Variants in PCDH9 observed in about 807,000 individuals in gnomAD.
PCDH9 encodes protocadherin 9, also known as protocadherin-9.
Under a neutral mutation model 70.6 loss-of-function variants are expected in PCDH9, and 24 were observed. The ratio of observed to expected loss-of-function variants is 0.34; its 90% CI spans 0.25 to 0.48. The LOEUF is 0.48. Among genes scored for constraint, PCDH9 ranks in the 20% least tolerant of loss-of-function variants. PCDH9 has a pLI of 0.99. For synonymous variants in PCDH9, 562 were observed against 558.5 expected (o/e 1.01, Z -0.09); for missense variants, 1,281 against 1,503.6 (o/e 0.85, Z 2.45).
At chr13:66,591,432 A>G (rs2077038006) in intron 4 of PCDH9, among the ~76,000 whole-genome samples, 1 of 150,356 alleles carries the variant, frequency 6.7e-6, no homozygotes, top group Admixed American at 6.8e-5. Context: ...GCCAATATAA[A>G]CCAAAATTTA....
chr13:66,893,969 G>A (rs1294060251), intron 3 of PCDH9, among the ~76,000 whole-genome samples: 1 of 151,832 alleles, frequency 6.6e-6, no homozygotes, highest in Non-Finnish European at 1.5e-5. Context: ...TAGTCCTTCC[G>A]TTCAATTCCC....
At chr13:66,824,886 T>C (rs1420360310) in intron 3 of PCDH9, among the ~76,000 whole-genome samples, 1 of 151,594 alleles carries the variant, frequency 6.6e-6, no homozygotes, top group Non-Finnish European at 1.5e-5. Flanking sequence ...AAAGACTCTA[T>C]CCTCATAACA....
intron 3 of PCDH9, among the ~76,000 whole-genome samples, chr13:66,828,123 A>G (rs1165118266): frequency 6.6e-6 from 1 of 152,204 alleles, no homozygotes; most frequent in Non-Finnish European, 1.5e-5. Flanking sequence ...AAAATAAAAG[A>G]AAAACACAGA....
At chr13:66,791,899 G>A (rs1436457292) in intron 3 of PCDH9, among the ~76,000 whole-genome samples, 2 of 152,124 alleles carry the variant, frequency 1.3e-5, no homozygotes, top group African/African-American at 4.8e-5. Context: ...TAAATACATT[G>A]CATTATGCAC....
chr13:67,174,310 G>C (rs868109247), intron 2 of PCDH9, among the ~76,000 whole-genome samples: 145 of 149,656 alleles, frequency 9.7e-4, no homozygotes, highest in African/African-American at 1.9e-3. Context: ...TAGATAGATA[G>C]ATAGATACAT....
intron 3 of PCDH9, among the ~76,000 whole-genome samples, chr13:66,657,079 C>T (rs936860174): frequency 3.3e-5 from 5 of 152,114 alleles, no homozygotes; most frequent in Non-Finnish European, 5.9e-5. Flanking sequence ...CCTAGACCAC[C>T]AGGCAATCTA....
chr13:67,084,814 A>C (rs4300510), intron 2 of PCDH9, among the ~76,000 whole-genome samples: 1 of 150,950 alleles, frequency 6.6e-6, no homozygotes, highest in Non-Finnish European at 1.5e-5. Flanking sequence ...TAAAAATATA[A>C]AAATTAGCTG....
chr13:66,825,231 G>A (rs1248270904), intron 3 of PCDH9: 1 of 149,882 alleles, frequency 6.7e-6, no homozygotes, highest in Non-Finnish European at 1.5e-5. Flanking sequence ...TTCTTCTCTC[G>A]AACAGGTATG....
intron 2 of PCDH9, among the ~76,000 whole-genome samples, chr13:67,095,564 A>C (rs1191202425): frequency 6.6e-6 from 1 of 152,144 alleles, no homozygotes; most frequent in Admixed American, 6.5e-5. Flanking sequence ...ATAATTGAGG[A>C]ATTACAACTT....
intron 3 of PCDH9, among the ~76,000 whole-genome samples, chr13:66,825,979 A>C (rs1219436994): frequency 2.6e-5 from 4 of 152,200 alleles, no homozygotes; most frequent in Non-Finnish European, 4.4e-5. Flanking sequence ...AAGAAATAAT[A>C]AATAAAAAGT....
At chr13:66,490,928 A>G (rs760123769) in intron 4 of PCDH9, among the ~76,000 whole-genome samples, 17 of 152,190 alleles carry the variant, frequency 1.1e-4, no homozygotes, top group Non-Finnish European at 2.1e-4. Context: ...GCTTCAGGCT[A>G]TGCTGTTGAG....
intron 3 of PCDH9, among the ~76,000 whole-genome samples, chr13:66,862,019 T>C (rs78035519): frequency 0.021 from 3,184 of 152,334 alleles, 115 homozygotes; most frequent in African/African-American, 0.073. Flanking sequence ...AACCTAATTA[T>C]GGACTTTAAC....
chr13:67,206,690 GC>G (rs2089357194), intron 2 of PCDH9: 1 of 152,190 alleles, frequency 6.6e-6, no homozygotes, highest in Non-Finnish European at 1.5e-5. Flanking sequence ...TTGGAGGAGG[GC>G]CTATACTGAT....
rs143946340 is a variant in PCDH9 at position 67,025,886 on chromosome 13, G to T, written c.3037-122281C>A. Among the ~76,000 whole-genome samples the T allele has an allele frequency of 1.0e-3, 156 of 152,192 alleles. 1 individual carries two copies. The highest frequency in any genetic ancestry group is 3.7e-3 in the African/African-American group (152 of 41,536). On this transcript the variant is annotated intron_variant, in intron 2 of 4. Coordinates refer to ENST00000377865, the MANE Select transcript of PCDH9 (RefSeq NM_203487.3). ...TAAAGCATATTTATATATCATTTAT[G>T]CATATAAATGTATATGAATAATTAT...
At chr13:66,388,953 T>A (rs2138262824) in intron 4 of PCDH9, among the ~76,000 whole-genome samples, 1 of 152,330 alleles carries the variant, frequency 6.6e-6, no homozygotes, top group South Asian at 2.1e-4. Flanking sequence ...CCATATTTTG[T>A]CTTAAATTAT....
At chr13:67,088,317 T>C (rs962284522) in intron 2 of PCDH9, among the ~76,000 whole-genome samples, 2 of 151,988 alleles carry the variant, frequency 1.3e-5, no homozygotes, top group African/African-American at 4.8e-5. Flanking sequence ...GTTCAGGTAA[T>C]ATTCTAAGTC....
intron 4 of PCDH9, among the ~76,000 whole-genome samples, chr13:66,507,398 A>G (rs1414404104): frequency 6.6e-6 from 1 of 152,180 alleles, no homozygotes; most frequent in East Asian, 1.9e-4. Flanking sequence ...TTTATTTTGA[A>G]CTTTACAGGG....
chr13:67,140,625 G>C (rs2087358463), intron 2 of PCDH9, among the ~76,000 whole-genome samples: 1 of 152,100 alleles, frequency 6.6e-6, no homozygotes, highest in African/African-American at 2.4e-5. Flanking sequence ...TGATTTAATT[G>C]ATCTGGGATG....
At chr13:66,615,223 A>G (rs943208430) in intron 4 of PCDH9, among the ~76,000 whole-genome samples, 1 of 152,214 alleles carries the variant, frequency 6.6e-6, no homozygotes, top group Non-Finnish European at 1.5e-5. Flanking sequence ...TCCTAACTAC[A>G]TGGGGAGGAA....
Sources: allele counts gnomAD v4.1 joint callset (sites outside exome capture counted in the v4.1 genomes callset), GRCh38; gene constraint gnomAD v4.1.1; transcripts MANE v1.5; gene names NCBI Gene and HGNC (gene_info 2026-07-23, HGNC 2026-07-21).